Variants in PCNX2 observed in about 807,000 individuals in gnomAD.
PCNX2 encodes pecanex-like protein 2.
PCNX2 carries 168 observed loss-of-function variants against 223.8 expected under a neutral mutation model. The observed-to-expected ratio is 0.75, with a 90% CI of 0.66 to 0.85. The LOEUF (loss-of-function observed/expected upper bound fraction) is 0.85. Ranked by LOEUF, PCNX2 falls within the 40% of genes least tolerant of loss-of-function variation. The pLI, the probability that PCNX2 is intolerant of heterozygous loss-of-function variation, is 0.00. For missense variants in PCNX2, 2,507 were observed against 2,675.5 expected, an observed-to-expected ratio of 0.94 and a Z score of 1.39; for synonymous variants, 1,006 against 1,052.6, an observed-to-expected ratio of 0.96 and a Z score of 0.86.
chr1:233,302,290 G>C, the PCNX2 span, among the ~76,000 whole-genome samples: 1 of 151,482 alleles, frequency 6.6e-6, no homozygotes, highest in East Asian at 1.9e-4. Flanking sequence ...TTTTTTTCTA[G>C]GAATTTGTTC....
At chr1:233,008,263 G>C (rs558242145) in intron 28 of PCNX2, among the ~76,000 whole-genome samples, 1 of 152,264 alleles carries the variant, frequency 6.6e-6, no homozygotes, top group South Asian at 2.1e-4. Context: ...AGAACATTCA[G>C]AAAGAACACT....
chr1:233,200,060 ACCTAACTAG>A, intron 14 of PCNX2, 85 bp downstream of exon 14: 1 of 1,018,368 alleles, frequency 9.8e-7, no homozygotes. Context: ...GACAAAGAAA[ACCTAACTAG>A]CCTCTCATCT....
chr1:233,013,232 T>C (rs2102814821), intron 28 of PCNX2, among the ~76,000 whole-genome samples: 1 of 152,320 alleles, frequency 6.6e-6, no homozygotes, highest in Non-Finnish European at 1.5e-5. Flanking sequence ...AAAACGATCA[T>C]GAAATTCTGA....
chr1:233,058,669 T>TTC (rs1672285056), intron 23 of PCNX2, among the ~76,000 whole-genome samples: 1 of 143,020 alleles, frequency 7.0e-6, no homozygotes, highest in African/African-American at 2.7e-5. Flanking sequence ...TCTTTTCTTT[T>TTC]TTTTTTTTTT....
chr1:233,033,794 G>A (rs1323952680), intron 25 of PCNX2, among the ~76,000 whole-genome samples: 2 of 152,222 alleles, frequency 1.3e-5, no homozygotes, highest in Middle Eastern at 6.4e-3. Flanking sequence ...AGAAACTCTT[G>A]AGGACTGGGA....
intron 9 of PCNX2, 71 bp downstream of exon 9, chr1:233,236,774 A>G (rs1353631044): frequency 1.9e-6 from 3 of 1,573,042 alleles, no homozygotes; most frequent in Non-Finnish European, 2.6e-6. Context: ...CAAGTAATCC[A>G]ACCTGGAAAA....
At chr1:233,107,747 C>G (rs914642616) in intron 21 of PCNX2, among the ~76,000 whole-genome samples, 2 of 151,912 alleles carry the variant, frequency 1.3e-5, no homozygotes, top group Non-Finnish European at 2.9e-5. Context: ...GAGCAGACAG[C>G]TCTCAGAGGC....
At chr1:233,056,887 T>C (rs1672209737) in intron 24 of PCNX2, among the ~76,000 whole-genome samples, 1 of 152,220 alleles carries the variant, frequency 6.6e-6, no homozygotes, top group South Asian at 2.1e-4. Context: ...AAGGATATTA[T>C]CATGCTGATG....
At chr1:233,217,358 A>T (rs558956609) in intron 12 of PCNX2, among the ~76,000 whole-genome samples, 1 of 152,200 alleles carries the variant, frequency 6.6e-6, no homozygotes, top group Non-Finnish European at 1.5e-5. Flanking sequence ...AATAAGAATA[A>T]TCATTCATGC....
At chr1:233,183,171 G>A (rs1288070479) in intron 15 of PCNX2, among the ~76,000 whole-genome samples, 1 of 152,142 alleles carries the variant, frequency 6.6e-6, no homozygotes, top group African/African-American at 2.4e-5. Context: ...GCAACCTGAT[G>A]GCACAATCCC....
At chr1:233,317,396 A>G in the PCNX2 span, among the ~76,000 whole-genome samples, 1 of 150,804 alleles carries the variant, frequency 6.6e-6, no homozygotes, top group East Asian at 1.9e-4. Flanking sequence ...CCTGGGCAAC[A>G]GTGCGAGACT....
chr1:233,116,451 A>G (rs1675414309), intron 21 of PCNX2, among the ~76,000 whole-genome samples: 1 of 152,170 alleles, frequency 6.6e-6, no homozygotes, highest in Non-Finnish European at 1.5e-5. Context: ...GAAATCATAC[A>G]GTGTACTCTG....
intron 17 of PCNX2, 147 bp from the exon 18 acceptor site, chr1:233,161,510 T>C: frequency 1.5e-6 from 1 of 661,504 alleles, no homozygotes; most frequent in Non-Finnish European, 2.7e-6. Flanking sequence ...TGGCACATAC[T>C]GGATGGGCTG....
intron 10 of PCNX2, among the ~76,000 whole-genome samples, chr1:233,219,874 T>C (rs1657264259): frequency 6.6e-6 from 1 of 152,198 alleles, no homozygotes; most frequent in African/African-American, 2.4e-5. Flanking sequence ...TATAATGACA[T>C]GTCTCCACCA....
intron 24 of PCNX2, among the ~76,000 whole-genome samples, chr1:233,055,242 G>C (rs907779883): frequency 2.6e-5 from 4 of 152,206 alleles, no homozygotes; most frequent in African/African-American, 9.6e-5. Flanking sequence ...TTCCCCAGCA[G>C]TGATTGAGAG....
intron 21 of PCNX2, among the ~76,000 whole-genome samples, chr1:233,132,658 C>T (rs1676567571): frequency 6.6e-6 from 1 of 152,198 alleles, no homozygotes; most frequent in African/African-American, 2.4e-5. Flanking sequence ...TTCACAAACA[C>T]AGTGTGTCAC....
chr1:233,286,262 C>T (rs1410754081), intron 1 of PCNX2, among the ~76,000 whole-genome samples: 1 of 152,052 alleles, frequency 6.6e-6, no homozygotes, highest in Non-Finnish European at 1.5e-5. Context: ...TTATAAGTCC[C>T]CTACCATTTG....
chr1:233,295,212 CTT>C lies in PCNX2; in HGVS notation c.153+112_153+113del. ...TTCTGAAGCCCCTCCCTTTCCGTCTCTTAAGAATCTCTACGAACCCGAAAGCC... is the reference window on the plus strand; with the variant it reads ...TTCTGAAGCCCCTCCCTTTCCGTCTCAAGAATCTCTACGAACCCGAAAGCC... On this transcript the variant is annotated intron_variant, in intron 1 of 33. Transcript: ENST00000258229. This position sits in a 1 kb window ranked among gnomAD's most constrained non-coding sequence, Gnocchi z 4.1. 1.4e-6 allele frequency: 2 copies of C among 1,446,958 alleles called. No individual in the cohort carries two copies. Among genetic ancestry groups the C allele is most frequent in the East Asian group, 2.5e-5 (1 of 39,616 alleles). The allele number at this position is 1,446,958 out of a possible 1,614,324, so 89.6% of individuals were successfully genotyped here.
intron 15 of PCNX2, among the ~76,000 whole-genome samples, chr1:233,186,938 C>T (rs1680131624): frequency 6.6e-6 from 1 of 152,142 alleles, no homozygotes; most frequent in African/African-American, 2.4e-5. Flanking sequence ...AAAACATTAA[C>T]ATTTACTTTC....
Sources: allele counts gnomAD v4.1 joint callset (sites outside exome capture counted in the v4.1 genomes callset), GRCh38; gene constraint gnomAD v4.1.1; non-coding constraint Gnocchi (gnomAD v3.1); transcripts MANE v1.5; gene names NCBI Gene and HGNC (gene_info 2026-07-23, HGNC 2026-07-21).